ADGRL3: variants seen among roughly 807,000 people sequenced by gnomAD.
ADGRL3 encodes the protein adhesion G protein-coupled receptor L3.
Under a neutral mutation model 153.5 loss-of-function variants are expected in ADGRL3, and 62 were observed. The ratio of observed to expected loss-of-function variants is 0.40; its 90% CI spans 0.33 to 0.50. The LOEUF (loss-of-function observed/expected upper bound fraction) is 0.50. Among genes scored for constraint, ADGRL3 ranks in the 20% least tolerant of loss-of-function variants. ADGRL3 has a pLI of 0.47. For missense variants in ADGRL3, 1,641 were observed against 1,859.4 expected (o/e 0.88, Z 2.16); for synonymous variants, 710 against 672.5 (o/e 1.06, Z -0.86).
At position 61,300,765 on chromosome 4, in the gene ADGRL3, TTTC is replaced by T. The variant is rs1051264754; in HGVS notation, c.-239-82356_-239-82354del. On this transcript the variant is annotated intron_variant, in intron 1 of 26. Transcript: ENST00000683033. Reference sequence around the variant, plus strand: ...AATGAGTTTTGTTTTCTTTTCTTTCTTTCTTTTTTTTTTTTTTTGAGACAGAGT... The same window carrying T: ...AATGAGTTTTGTTTTCTTTTCTTTCTTTTTTTTTTTTTTTTGAGACAGAGT... 7.3e-4 allele frequency among the ~76,000 whole-genome samples: 60 copies of T among 82,566 alleles called. 11 individuals are homozygous for T. The East Asian group carries it at 0.014, about 20-fold the overall frequency. The allele number at this position is 82,566 out of a possible 152,430, so 54.2% of individuals were successfully genotyped here. A position where few individuals can be genotyped will look rare whatever the true frequency, so the allele number is the denominator to read the frequency against.
intron 9 of ADGRL3, among the ~76,000 whole-genome samples, chr4:61,885,388 G>C (rs2098532563): frequency 6.6e-6 from 1 of 152,094 alleles, no homozygotes; most frequent in African/African-American, 2.4e-5. Context: ...TGCCCATGTT[G>C]TTCCATTGTT....
At chr4:61,423,074 G>T (rs144717441) in intron 2 of ADGRL3, among the ~76,000 whole-genome samples, 2 of 152,188 alleles carry the variant, frequency 1.3e-5, no homozygotes, top group East Asian at 1.9e-4. Context: ...GGGGCACATG[G>T]CTAAGACATT....
At chr4:62,049,009 C>A (rs1732687671) in intron 25 of ADGRL3, among the ~76,000 whole-genome samples, 2 of 151,916 alleles carry the variant, frequency 1.3e-5, no homozygotes, top group South Asian at 4.1e-4. Flanking sequence ...TGAAATTAGG[C>A]TTTATCTTAT....
At chr4:61,239,576 A>G (rs1754148229) in intron 1 of ADGRL3, among the ~76,000 whole-genome samples, 1 of 152,078 alleles carries the variant, frequency 6.6e-6, no homozygotes, top group South Asian at 2.1e-4. Flanking sequence ...CTAAATCTCT[A>G]TCCCCACTGC....
intron 1 of ADGRL3, among the ~76,000 whole-genome samples, chr4:61,347,777 T>A (rs1486431433): frequency 2.0e-5 from 3 of 152,162 alleles, no homozygotes; most frequent in Non-Finnish European, 4.4e-5. Context: ...ACTCACATTT[T>A]GTACATTTTA....
chr4:61,377,018 A>G (rs1192165577), intron 1 of ADGRL3, among the ~76,000 whole-genome samples: 1 of 152,114 alleles, frequency 6.6e-6, no homozygotes. Context: ...GAGGGCAAGA[A>G]CTGTATCTGT....
intron 20 of ADGRL3, among the ~76,000 whole-genome samples, chr4:61,997,178 A>G (rs2099124620): frequency 6.6e-6 from 1 of 151,996 alleles, no homozygotes; most frequent in African/African-American, 2.4e-5. Context: ...ACCCAAAATC[A>G]AACACATCAA....
At chr4:61,580,719 C>T (rs913476048) in intron 4 of ADGRL3, among the ~76,000 whole-genome samples, 5 of 151,964 alleles carry the variant, frequency 3.3e-5, no homozygotes, top group Non-Finnish European at 5.9e-5. Flanking sequence ...CATGTGCATC[C>T]GAAGTTCATC....
intron 5 of ADGRL3, among the ~76,000 whole-genome samples, chr4:61,607,629 T>C (rs1365421121): frequency 6.6e-6 from 1 of 152,076 alleles, no homozygotes; most frequent in Non-Finnish European, 1.5e-5. Context: ...TCTTAAGTTC[T>C]ACACTAGTGA....
At chr4:61,403,944 A>T (rs2096961921) in intron 2 of ADGRL3, among the ~76,000 whole-genome samples, 1 of 152,052 alleles carries the variant, frequency 6.6e-6, no homozygotes, top group African/African-American at 2.4e-5. Flanking sequence ...TTTTCCTTAC[A>T]ACCCTTATCG....
rs1379971472 is a variant in ADGRL3, at chr4:61,428,907, ATC to A, written c.-174+45720_-174+45721del. On this transcript the variant is annotated intron_variant, in intron 2 of 26. Transcript: ENST00000683033. ...ATCTATCTATATCATCTATCTATCTATCTATCTATCTATCTATCTATCTATCT... is the reference window on the plus strand; with the variant it reads ...ATCTATCTATATCATCTATCTATCTATATCTATCTATCTATCTATCTATCT... Among the ~76,000 whole-genome samples, 650 of 141,770 alleles carry A rather than the reference ATC, an allele frequency of 4.6e-3. 4 individuals carry two copies. Among genetic ancestry groups the A allele is most frequent in the African/African-American group, 0.017 (620 of 36,312 alleles). 93.0% of individuals were successfully genotyped at this position (141,770 alleles called of 152,430 possible). A position where few individuals can be genotyped will look rare whatever the true frequency, so the allele number is the denominator to read the frequency against.
chr4:61,929,120 G>T (rs528947353), intron 13 of ADGRL3, among the ~76,000 whole-genome samples: 1 of 152,236 alleles, frequency 6.6e-6, no homozygotes, highest in South Asian at 2.1e-4. Flanking sequence ...TTACTCCCCG[G>T]TATAGTGGTG....
intron 17 of ADGRL3, among the ~76,000 whole-genome samples, chr4:61,973,198 T>G (rs992399959): frequency 1.3e-5 from 2 of 151,958 alleles, no homozygotes; most frequent in African/African-American, 4.8e-5. Flanking sequence ...GTACTTTATG[T>G]GATTATTATT....
chr4:61,686,396 G>A (rs529203729), intron 6 of ADGRL3, among the ~76,000 whole-genome samples: 3 of 152,098 alleles, frequency 2.0e-5, no homozygotes, highest in East Asian at 1.9e-4. Context: ...CTACAAATTA[G>A]CATTGTTGAT....
chr4:62,046,744 G>C (rs1025413853), intron 25 of ADGRL3, among the ~76,000 whole-genome samples: 3 of 151,870 alleles, frequency 2.0e-5, no homozygotes, highest in Non-Finnish European at 2.9e-5. Flanking sequence ...GACTTTATTT[G>C]TGCTAGAAGT....
chr4:61,835,389 G>A (rs1223679612), intron 9 of ADGRL3, among the ~76,000 whole-genome samples: 81 of 121,006 alleles, frequency 6.7e-4, no homozygotes, highest in Non-Finnish European at 7.8e-4. Flanking sequence ...TGACTGAGAA[G>A]AAAAAAAAAA....
chr4:61,424,767 C>T (rs1490108313), intron 2 of ADGRL3, among the ~76,000 whole-genome samples: 2 of 152,124 alleles, frequency 1.3e-5, no homozygotes, highest in African/African-American at 2.4e-5. Flanking sequence ...GGGTGTAATT[C>T]AGGGGCCAAG....
At chr4:61,268,855 A>C (rs1291976822) in intron 1 of ADGRL3, among the ~76,000 whole-genome samples, 1 of 151,624 alleles carries the variant, frequency 6.6e-6, no homozygotes, top group African/African-American at 2.4e-5. Context: ...AATTCTTTAA[A>C]ACTAGGGACA....
intron 1 of ADGRL3, among the ~76,000 whole-genome samples, chr4:61,213,952 T>G (rs968771879): frequency 1.3e-5 from 2 of 152,164 alleles, no homozygotes; most frequent in Admixed American, 6.5e-5. Context: ...TCCAGATGCA[T>G]CATTGCCTTC....
Sources: allele counts gnomAD v4.1 joint callset (sites outside exome capture counted in the v4.1 genomes callset), GRCh38; gene constraint gnomAD v4.1.1; transcripts MANE v1.5; gene names NCBI Gene and HGNC (gene_info 2026-07-23, HGNC 2026-07-21).